ITGBL1: variants seen among roughly 807,000 people sequenced by gnomAD.
The protein encoded by ITGBL1 is integrin beta-like protein 1.
Under a neutral mutation model 68.5 loss-of-function variants are expected in ITGBL1, and 51 were observed. The observed-to-expected ratio is 0.74, with a 90% CI of 0.59 to 0.94. The LOEUF (loss-of-function observed/expected upper bound fraction) is 0.94, where lower values mean the gene tolerates loss of function less well. Ranked by LOEUF, ITGBL1 falls within the 40% of genes least tolerant of loss-of-function variation. ITGBL1 has a pLI of 0.00. For synonymous variants in ITGBL1, 209 were observed against 227.3 expected (o/e 0.92, Z 0.72); for missense variants, 649 against 647.4 (o/e 1.00, Z -0.03).
At chr13:101,663,972 G>A (rs1356235054) in intron 7 of ITGBL1, among the ~76,000 whole-genome samples, 1 of 152,152 alleles carries the variant, frequency 6.6e-6, no homozygotes, top group Non-Finnish European at 1.5e-5. Flanking sequence ...CAGATTTATT[G>A]TCATAATAAT....
intron 2 of ITGBL1, among the ~76,000 whole-genome samples, chr13:101,463,582 C>A (rs1329259102): frequency 6.6e-6 from 1 of 152,040 alleles, no homozygotes; most frequent in Non-Finnish European, 1.5e-5. Flanking sequence ...CTGCTGGAAA[C>A]CTTTAGACGT....
intron 2 of ITGBL1, among the ~76,000 whole-genome samples, chr13:101,534,685 A>G (rs1387688150): frequency 6.6e-6 from 1 of 152,144 alleles, no homozygotes; most frequent in Admixed American, 6.6e-5. Context: ...GAAGCTTAGG[A>G]AGAGGGTGTT....
intron 2 of ITGBL1, among the ~76,000 whole-genome samples, chr13:101,527,263 C>T (rs1023691062): frequency 6.6e-6 from 1 of 152,112 alleles, no homozygotes; most frequent in Non-Finnish European, 1.5e-5. Flanking sequence ...ATCTCTCCTT[C>T]CATCAGCCCA....
chr13:101,649,542 C>A (rs116375819), intron 7 of ITGBL1, among the ~76,000 whole-genome samples: 1 of 152,036 alleles, frequency 6.6e-6, no homozygotes, highest in Non-Finnish European at 1.5e-5. Context: ...AAGGGACCTG[C>A]GGATGATATT....
intron 7 of ITGBL1, 120 bp from the exon 8 acceptor site, chr13:101,692,465 A>G (rs552612042): frequency 1.4e-5 from 10 of 696,266 alleles, no homozygotes; most frequent in Non-Finnish European, 2.6e-5. Flanking sequence ...TGTAACTATT[A>G]TCAGGCACAG....
At chr13:101,459,040 G>A (rs1358259809) in intron 2 of ITGBL1, among the ~76,000 whole-genome samples, 1 of 152,182 alleles carries the variant, frequency 6.6e-6, no homozygotes, top group Non-Finnish European at 1.5e-5. Context: ...TTAAGTCTGC[G>A]AGATCAGAAG....
At chr13:101,494,270 G>C (rs754470859) in intron 2 of ITGBL1, among the ~76,000 whole-genome samples, 3 of 152,158 alleles carry the variant, frequency 2.0e-5, no homozygotes, top group Non-Finnish European at 4.4e-5. Flanking sequence ...TCATATTTCA[G>C]ATGAAATTTG....
intron 5 of ITGBL1, among the ~76,000 whole-genome samples, 180 bp from the exon 6 acceptor site, chr13:101,583,036 T>C (rs1009618198): frequency 2.6e-5 from 4 of 152,226 alleles, no homozygotes; most frequent in Non-Finnish European, 5.9e-5. Flanking sequence ...TAACTTTTGT[T>C]TATTAAGGAA....
chr13:101,622,915 A>ATATGTGTGTG (rs2031639256), intron 7 of ITGBL1, among the ~76,000 whole-genome samples: 1 of 148,514 alleles, frequency 6.7e-6, no homozygotes, highest in Admixed American at 6.7e-5. Context: ...TGGGGTATGT[A>ATATGTGTGTG]TGTGTGTGTG....
chr13:101,554,494 A>G (rs945182900), intron 2 of ITGBL1, among the ~76,000 whole-genome samples: 1 of 152,174 alleles, frequency 6.6e-6, no homozygotes, highest in Non-Finnish European at 1.5e-5. Flanking sequence ...GGGCCCATCT[A>G]CTTGTTCTCA....
At chr13:101,482,787 G>A (rs1299199358) in intron 2 of ITGBL1, among the ~76,000 whole-genome samples, 1 of 152,008 alleles carries the variant, frequency 6.6e-6, no homozygotes, top group East Asian at 1.9e-4. Flanking sequence ...GGTGTGTAAG[G>A]AAAAAAATTG....
At chr13:101,586,045 C>A (rs1252727556) in intron 6 of ITGBL1, among the ~76,000 whole-genome samples, 1 of 152,130 alleles carries the variant, frequency 6.6e-6, no homozygotes, top group Non-Finnish European at 1.5e-5. Context: ...CCTGAACTGA[C>A]ACTTCAATCC....
chr13:101,506,136 A>T (rs1039273095), intron 2 of ITGBL1, among the ~76,000 whole-genome samples: 5 of 152,184 alleles, frequency 3.3e-5, no homozygotes, highest in Admixed American at 6.5e-5. Flanking sequence ...ACCTAAGGAC[A>T]TTCAAGAATA....
chr13:101,610,913 G>A (rs536868129), intron 7 of ITGBL1, among the ~76,000 whole-genome samples: 1 of 152,262 alleles, frequency 6.6e-6, no homozygotes, highest in South Asian at 2.1e-4. Flanking sequence ...CTGCAGAGAT[G>A]AGTAGTAGCA....
At chr13:101,584,873 G>A (rs2050524749) in intron 6 of ITGBL1, among the ~76,000 whole-genome samples, 1 of 151,744 alleles carries the variant, frequency 6.6e-6, no homozygotes, top group African/African-American at 2.4e-5. Context: ...GGTGATGTAG[G>A]GCTCATGAAT....
intron 2 of ITGBL1, among the ~76,000 whole-genome samples, chr13:101,510,429 A>G (rs998548278): frequency 6.6e-6 from 1 of 152,082 alleles, no homozygotes; most frequent in African/African-American, 2.4e-5. Context: ...ATGTAGGTTG[A>G]TTCCGTGTTT....
At chr13:101,547,282 T>C (rs958907296) in intron 2 of ITGBL1, among the ~76,000 whole-genome samples, 1 of 151,968 alleles carries the variant, frequency 6.6e-6, no homozygotes, top group African/African-American at 2.4e-5. Flanking sequence ...TTTTACTAGC[T>C]ATTGAACATA....
chr13:101,465,394 T>C (rs2048370193), intron 2 of ITGBL1, among the ~76,000 whole-genome samples: 1 of 152,198 alleles, frequency 6.6e-6, no homozygotes, highest in Non-Finnish European at 1.5e-5. Context: ...AAAACTATGA[T>C]AAATTTTCTC....
At chr13:101,669,707 T>G (rs558268973) in intron 7 of ITGBL1, among the ~76,000 whole-genome samples, 80 of 152,342 alleles carry the variant, frequency 5.3e-4, no homozygotes, top group Non-Finnish European at 1.0e-3. Flanking sequence ...TTTTCTGAAC[T>G]GCATCTTTTG....
Sources: allele counts gnomAD v4.1 joint callset (sites outside exome capture counted in the v4.1 genomes callset), GRCh38; gene constraint gnomAD v4.1.1; transcripts MANE v1.5; gene names NCBI Gene and HGNC (gene_info 2026-07-23, HGNC 2026-07-21).